FHIP1B: variants seen among roughly 807,000 people sequenced by gnomAD.
FHIP1B encodes the protein FHF complex subunit HOOK interacting protein 1B.
A neutral mutation model predicts 82.2 loss-of-function variants in FHIP1B; 28 were observed. The ratio of observed to expected loss-of-function variants is 0.34; its 90% CI spans 0.25 to 0.47. The LOEUF is 0.47. Among genes scored for constraint, FHIP1B ranks in the 20% least tolerant of loss-of-function variants. The probability of loss-of-function intolerance (pLI) is 1.00; values close to 1 mark genes in which losing one functional copy is unlikely to be tolerated. For synonymous variants in FHIP1B, 585 were observed against 516.1 expected (o/e 1.13, Z -1.81); for missense variants, 1,110 against 1,262.6 (o/e 0.88, Z 1.83).
chr11:6,224,060 C>A lies in FHIP1B; in HGVS notation c.327G>T (p.Val109=). ...FALHEDLLTR[V]LTWQLQWDEL... ...CATCCCATTGCAGCTGCCATGTCAA[C>A]ACACGGGTCAGCAGATCCTCGTGCA... The change falls in exon 3 of 12, where the codon GTG becomes GTT. Residue 109 remains valine, a synonymous_variant. Transcript: ENST00000449352. 6.2e-7 allele frequency: 1 copy of A among 1,613,452 alleles called. No homozygotes were observed. The highest frequency in any genetic ancestry group is 8.5e-7 in the Non-Finnish European group (1 of 1,179,640).
In FHIP1B at chr11:6,211,513, T is replaced by C. The variant is rs769236235; in HGVS notation, c.2912A>G (p.Asn971Ser). ...GPLISGCGPL[N>S]P ...ATTGTCCATGGAAGAAAGTTAAGGA[T>C]TGAGGGGCCCACAGCCTGAGATGAG... The change falls in exon 12 of 12, where the codon AAT (asparagine) becomes AGT (serine). Residue 971 changes from asparagine (N) to serine (S), a missense_variant. By Grantham distance (46) the Asn-to-Ser change is conservative. Around this residue, in one of 6 missense-constraint regions of FHIP1B, gnomAD observed 29 missense variants for 21.5 expected, o/e 1.35. Coordinates refer to ENST00000449352, the MANE Select transcript of FHIP1B (RefSeq NM_001098794.2). 7.4e-5 allele frequency: 118 copies of C among 1,593,394 alleles called. 1 individual carries two copies. The Admixed American group carries it at 1.8e-3, about 25-fold the overall frequency.
chr11:6,214,707 C>T, intron 10 of FHIP1B, 26 bp downstream of exon 10: 1 of 1,552,214 alleles, frequency 6.4e-7, no homozygotes, highest in Non-Finnish European at 8.7e-7. Flanking sequence ...AGCCTGGACG[C>T]ACCCATGCAT....
chr11:6,219,051 C>G lies in FHIP1B; in HGVS notation c.1192-1G>C. On this transcript the variant is annotated splice_acceptor_variant, in intron 6 of 11. Transcript: ENST00000449352. LOFTEE classifies it high-confidence loss of function. ...AGAGACTCAGAGAGACCATGCAGAG[C>G]TGGGGGGGTGGAGGGGAGGGAGGGA... The G allele has an allele frequency of 6.2e-7, 1 of 1,603,186 alleles. No individual in the cohort carries two copies. The highest frequency in any genetic ancestry group is 8.5e-7 in the Non-Finnish European group (1 of 1,171,506).
intron 11 of FHIP1B, 90 bp downstream of exon 11, chr11:6,214,321 C>T (rs1246864258): frequency 6.9e-7 from 1 of 1,439,876 alleles, no homozygotes; most frequent in Non-Finnish European, 9.4e-7. Flanking sequence ...GGTCCTGGCA[C>T]AACATTTCAC....
Position 6,218,979 on chromosome 11 carries a change from C to A in FHIP1B, c.1263G>T (p.Leu421=), listed in dbSNP as rs1295455745. The change falls in exon 7 of 12, where the codon CTG becomes CTT. Residue 421 remains leucine (L), a synonymous_variant. Coordinates refer to ENST00000449352, the MANE Select transcript of FHIP1B (RefSeq NM_001098794.2). ...NLSCEDVLLQ[L]VLRYLVPCNH... is the part of the protein sequence containing the mutation. ...CCTGCCCCAACAGATACCTGAGAAC[C>A]AGCTGCAGCAGGACATCCTCACAGC... 4.3e-6 allele frequency: 7 copies of A among 1,613,894 alleles called. No individual in the cohort carries two copies. Among genetic ancestry groups the A allele is most frequent in the African/African-American group, 1.3e-5 (1 of 74,896 alleles).
intron 1 of FHIP1B, among the ~76,000 whole-genome samples, chr11:6,233,678 C>G (rs1447062006): frequency 1.3e-5 from 2 of 152,118 alleles, no homozygotes; most frequent in Admixed American, 6.6e-5. Flanking sequence ...ATAGGGCAAA[C>G]CATATGACCT....
chr11:6,224,921 T>C (rs1398581533), intron 1 of FHIP1B, among the ~76,000 whole-genome samples: 2 of 152,154 alleles, frequency 1.3e-5, no homozygotes, highest in African/African-American at 4.8e-5. Flanking sequence ...ATACCAAAAT[T>C]AACCTAAATG....
Position 6,216,965 on chromosome 11 carries a change from TAGAG to T in FHIP1B, c.2215+402_2215+405del, listed in dbSNP as rs935085713. 5 of 643,004 alleles carry T rather than the reference TAGAG, an allele frequency of 7.8e-6. No homozygotes were observed. In the Admixed American group the frequency reaches 8.9e-5, roughly 11 times the overall value. 39.8% of individuals were successfully genotyped at this position (643,004 alleles called of 1,614,324 possible). A position where few individuals can be genotyped will look rare whatever the true frequency, so the allele number is the denominator to read the frequency against. ...GACAGATAAACTGGACGGAATGGCA[TAGAG>T]AGTGTTTAGGTGCCTCTCCATACAG... On this transcript the variant is annotated intron_variant, in intron 9 of 11. Coordinates refer to ENST00000449352, the MANE Select transcript of FHIP1B (RefSeq NM_001098794.2).
At chr11:6,212,712 C>T (rs1325508040) in intron 11 of FHIP1B, among the ~76,000 whole-genome samples, 7 of 152,196 alleles carry the variant, frequency 4.6e-5, no homozygotes, top group Non-Finnish European at 7.3e-5. Flanking sequence ...ATACTGGCTA[C>T]AGAAATACCA....
At chr11:6,218,174 G>A (rs1480109429) in intron 8 of FHIP1B, 24 bp from the exon 9 acceptor site, 1 of 1,593,806 alleles carries the variant, frequency 6.3e-7, no homozygotes, top group Admixed American at 1.8e-5. Flanking sequence ...AAATATAAGA[G>A]AAATCAAGGA....
chr11:6,221,993 A>T (rs1847421501), intron 6 of FHIP1B, among the ~76,000 whole-genome samples: 1 of 152,202 alleles, frequency 6.6e-6, no homozygotes, highest in Non-Finnish European at 1.5e-5. Flanking sequence ...GAGTGCTCCA[A>T]GCTATAGTTC....
In FHIP1B at chr11:6,217,438, C is replaced by A. The variant is rs778360593; in HGVS notation, c.2148G>T (p.Glu716Asp). 1.2e-6 allele frequency: 2 copies of A among 1,613,950 alleles called. No homozygotes were observed. The highest frequency in any genetic ancestry group is 2.2e-5 in the South Asian group (2 of 91,062). Residue 716 changes from glutamate (E) to aspartate (D), a missense_variant, in exon 9 of 12, where the codon GAG becomes GAT. Coordinates refer to ENST00000449352, the MANE Select transcript of FHIP1B (RefSeq NM_001098794.2). ...EAYESFTCPP[E>D]PPGPFLSSPL... Reference sequence around the variant, plus strand: ...GGCTGCTGAGGAAGGGGCCAGGGGGCTCAGGGGGACAGGTGAAGCTCTCGT... The same window carrying A: ...GGCTGCTGAGGAAGGGGCCAGGGGGATCAGGGGGACAGGTGAAGCTCTCGT...
intron 6 of FHIP1B, among the ~76,000 whole-genome samples, chr11:6,220,193 G>C (rs1371594065): frequency 6.6e-6 from 1 of 152,132 alleles, no homozygotes; most frequent in Admixed American, 6.5e-5. Context: ...TATGGATGAA[G>C]GGGGGCCATG....
At chr11:6,222,161 G>A (rs143366929) in intron 6 of FHIP1B, among the ~76,000 whole-genome samples, 403 of 152,244 alleles carry the variant, frequency 2.6e-3, no homozygotes, top group African/African-American at 7.0e-3. Context: ...ACTACATTAC[G>A]AACACTGCAC....
rs1847300204 is a variant in FHIP1B, at chr11:6,218,129, T to G, written c.1457A>C (p.Asp486Ala). 1 of 1,610,760 alleles carries G rather than the reference T, an allele frequency of 6.2e-7. No individual in the cohort carries two copies. Among genetic ancestry groups the G allele is most frequent in the Admixed American group, 1.7e-5 (1 of 59,554 alleles). ...WARGPGSPSV[D>A]SSSVTTVPRP... ...GGGTACTGTCGTCACAGAAGAGGAG[T>G]CCACACTTGGGCTTCCAGGACCTGC... Residue 486 changes from aspartate to alanine, a missense_variant, in exon 9 of 12, where the codon GAC becomes GCC. Asp to Ala is a moderately radical substitution (Grantham distance 126, BLOSUM62 -2). Coordinates refer to ENST00000449352, the MANE Select transcript of FHIP1B (RefSeq NM_001098794.2).
chr11:6,226,999 A>G (rs1181407977), intron 1 of FHIP1B, among the ~76,000 whole-genome samples: 2 of 152,242 alleles, frequency 1.3e-5, no homozygotes, highest in African/African-American at 4.8e-5. Flanking sequence ...ATTCGCCTCT[A>G]TCTTAATATG....
chr11:6,223,468 T>G lies in FHIP1B; in HGVS notation c.777+142A>C. 1 of 1,166,528 alleles carries G rather than the reference T, an allele frequency of 8.6e-7. No homozygotes were observed. The highest frequency in any genetic ancestry group is 1.2e-6 in the Non-Finnish European group (1 of 822,252). 72.3% of individuals were successfully genotyped at this position (1,166,528 alleles called of 1,614,324 possible). On this transcript the variant is annotated intron_variant, in intron 3 of 11. Transcript: ENST00000449352. The surrounding 1 kb of genome is among the most constrained non-coding windows in gnomAD (Gnocchi z 4.8). ...GCCCATGATTCATCCCCACTACAAC[T>G]CCAGGGGGCTGCTTTCAAATCCAGG...
chr11:6,214,511 T>C lies in FHIP1B; in HGVS notation c.2457A>G (p.Ala819=). 1 of 1,614,214 alleles carries C rather than the reference T, an allele frequency of 6.2e-7. No individual in the cohort carries two copies. The highest frequency in any genetic ancestry group is 8.5e-7 in the Non-Finnish European group (1 of 1,180,014). ...NFAASQEDFP[A]LLSKAKKYLI... ...GGTACTTCTTGGCTTTGGACAGCAGTGCTGGGAAGTCCTCCTGGGAAGCCG... is the reference window on the plus strand; with the variant it reads ...GGTACTTCTTGGCTTTGGACAGCAGCGCTGGGAAGTCCTCCTGGGAAGCCG... The change falls in exon 11 of 12, where the codon GCA becomes GCG. Residue 819 remains alanine (A), a synonymous_variant. Coordinates refer to ENST00000449352, the MANE Select transcript of FHIP1B (RefSeq NM_001098794.2).
At position 6,222,526 on chromosome 11, in the gene FHIP1B, G is replaced by C. The variant is rs150974164; in HGVS notation, c.1107C>G (p.Thr369=). Residue 369 remains threonine, a synonymous_variant, in exon 6 of 12, where the codon ACC becomes ACG. Coordinates refer to ENST00000449352, the MANE Select transcript of FHIP1B (RefSeq NM_001098794.2). ...RSISEPALLR[T]FLRFLLLHRH... is the part of the protein sequence containing the mutation. ...GGTGCAACAACAGGAATCGCAGGAAGGTACGGAGCAAAGCAGGCTCTGAGA... is the reference window on the plus strand; with the variant it reads ...GGTGCAACAACAGGAATCGCAGGAACGTACGGAGCAAAGCAGGCTCTGAGA... 232 of 1,614,086 alleles carry C rather than the reference G, an allele frequency of 1.4e-4. No homozygotes were observed. The African/African-American group carries it at 2.6e-3, about 18-fold the overall frequency.
Sources: allele counts gnomAD v4.1 joint callset (sites outside exome capture counted in the v4.1 genomes callset), GRCh38; gene constraint gnomAD v4.1.1; regional missense constraint gnomAD v4.1.1; non-coding constraint Gnocchi (gnomAD v3.1); transcripts MANE v1.5; gene names NCBI Gene and HGNC (gene_info 2026-07-23, HGNC 2026-07-21).